Variants in EPS15 observed in about 807,000 individuals in gnomAD.
EPS15 encodes epidermal growth factor receptor pathway substrate 15.
EPS15 carries 72 observed loss-of-function variants against 113.8 expected under a neutral mutation model. The observed-to-expected ratio is 0.63, with a 90% CI of 0.52 to 0.77. The LOEUF (loss-of-function observed/expected upper bound fraction) is 0.77, where lower values mean the gene tolerates loss of function less well. Ranked by LOEUF, EPS15 falls within the 30% of genes least tolerant of loss-of-function variation. The pLI is 0.00. For missense variants in EPS15, 1,048 were observed against 1,045.8 expected, an observed-to-expected ratio of 1.00 and a Z score of -0.03; for synonymous variants, 344 against 363.4, an observed-to-expected ratio of 0.95 and a Z score of 0.61.
At chr1:51,505,411 G>C (rs1644482016) in intron 1 of EPS15, among the ~76,000 whole-genome samples, 1 of 152,108 alleles carries the variant, frequency 6.6e-6, no homozygotes, top group African/African-American at 2.4e-5. Context: ...AGTGATAGAA[G>C]GCAGTCATAA....
At chr1:51,377,560 C>T (rs1383871799) in intron 21 of EPS15, among the ~76,000 whole-genome samples, 1 of 152,238 alleles carries the variant, frequency 6.6e-6, no homozygotes, top group East Asian at 1.9e-4. Context: ...GGTGAAGATG[C>T]TGTGAACATT....
Position 51,422,597 on chromosome 1 carries a change from C to G in EPS15, c.1041-739G>C, listed in dbSNP as rs3790516. On this transcript the variant is annotated intron_variant, in intron 12 of 24. Transcript: ENST00000371733. ...TACCTAAATTCTTATATGCTTTAAT[C>G]AGGCCTGAGTGGCTATGAACGAATC... Among the ~76,000 whole-genome samples the G allele has an allele frequency of 1.5e-4, 23 of 152,362 alleles. 1 individual carries two copies. In the East Asian group the frequency reaches 4.4e-3, roughly 29 times the overall value.
chr1:51,481,368 A>G, intron 1 of EPS15, 54 bp from the exon 2 acceptor site: 1 of 801,632 alleles, frequency 1.2e-6, no homozygotes. Flanking sequence ...TTCTATTAAC[A>G]TATTTGGCAT....
At chr1:51,463,639 TA>T in intron 7 of EPS15, 33 bp downstream of exon 7, 1 of 1,360,886 alleles carries the variant, frequency 7.3e-7, no homozygotes, top group Non-Finnish European at 1.0e-6. Flanking sequence ...TTAAAATACA[TA>T]AAAATTACAT....
At chr1:51,501,053 AAAAG>A (rs768957439) in intron 1 of EPS15, among the ~76,000 whole-genome samples, 21 of 152,282 alleles carry the variant, frequency 1.4e-4, no homozygotes, top group Non-Finnish European at 2.2e-4. Context: ...TAAAAAACAC[AAAAG>A]AAAGAAAAAA....
chr1:51,439,356 A>C (rs1389071985), intron 12 of EPS15, among the ~76,000 whole-genome samples: 1 of 152,098 alleles, frequency 6.6e-6, no homozygotes, highest in East Asian at 1.9e-4. Context: ...CTCACAGATA[A>C]GGTTAAGATC....
intron 12 of EPS15, among the ~76,000 whole-genome samples, chr1:51,433,057 T>C (rs759803405): frequency 1.3e-5 from 2 of 152,164 alleles, no homozygotes; most frequent in African/African-American, 4.8e-5. Flanking sequence ...AACAAAAACA[T>C]AGAATTTTTA....
intron 5 of EPS15, among the ~76,000 whole-genome samples, chr1:51,466,560 T>C (rs1011426956): frequency 6.0e-5 from 9 of 150,492 alleles, no homozygotes; most frequent in African/African-American, 2.2e-4. Context: ...GGGGTGGAGG[T>C]TGCAGAGAGC....
chr1:51,476,551 T>C (rs1288110865), intron 2 of EPS15, among the ~76,000 whole-genome samples: 1 of 152,180 alleles, frequency 6.6e-6, no homozygotes, highest in Non-Finnish European at 1.5e-5. Flanking sequence ...ATATTCCCTT[T>C]ATCATTTTTT....
chr1:51,511,495 A>G (rs966665019), intron 1 of EPS15, among the ~76,000 whole-genome samples: 6 of 152,208 alleles, frequency 3.9e-5, no homozygotes, highest in African/African-American at 7.2e-5. Flanking sequence ...ACTCTCTCTC[A>G]AAAGTACTAA....
chr1:51,401,981 A>T (rs979707019), intron 18 of EPS15, among the ~76,000 whole-genome samples: 23 of 152,206 alleles, frequency 1.5e-4, no homozygotes, highest in African/African-American at 5.3e-4. Flanking sequence ...TACTAAAAAC[A>T]CAAAAGTTAG....
At chr1:51,483,406 T>A (rs1226714220) in intron 1 of EPS15, among the ~76,000 whole-genome samples, 1 of 123,380 alleles carries the variant, frequency 8.1e-6, no homozygotes, top group Non-Finnish European at 1.7e-5. Context: ...CAAGTGTGTG[T>A]GTGTGTGTGT....
intron 1 of EPS15, among the ~76,000 whole-genome samples, chr1:51,510,001 T>C (rs968441188): frequency 1.2e-4 from 19 of 152,204 alleles, no homozygotes; most frequent in African/African-American, 4.6e-4. Context: ...CTTGAACAAA[T>C]TACTTCACCT....
At chr1:51,384,576 G>A (rs544398054) in intron 21 of EPS15, among the ~76,000 whole-genome samples, 11 of 151,894 alleles carry the variant, frequency 7.2e-5, no homozygotes, top group Non-Finnish European at 1.0e-4. Flanking sequence ...GAGCTCAGGC[G>A]ATCCACCCAC....
intron 7 of EPS15, among the ~76,000 whole-genome samples, chr1:51,462,870 A>ATTTTT (rs34320767): frequency 1.4e-4 from 16 of 111,068 alleles, no homozygotes; most frequent in African/African-American, 3.9e-4. Flanking sequence ...AAAAAGTCAG[A>ATTTTT]TTTTTTTTTT....
At chr1:51,440,868 C>T (rs2148474831) in intron 11 of EPS15, among the ~76,000 whole-genome samples, 1 of 152,100 alleles carries the variant, frequency 6.6e-6, no homozygotes, top group Admixed American at 6.5e-5. Context: ...GAATCTCAGA[C>T]CTACAGTAGT....
chr1:51,510,110 A>G (rs1221909880), intron 1 of EPS15, among the ~76,000 whole-genome samples: 1 of 152,196 alleles, frequency 6.6e-6, no homozygotes, highest in Non-Finnish European at 1.5e-5. Flanking sequence ...GGTTGTAAAG[A>G]TTATTGAAAA....
intron 18 of EPS15, among the ~76,000 whole-genome samples, chr1:51,401,876 C>T (rs900448619): frequency 2.0e-5 from 3 of 152,148 alleles, no homozygotes; most frequent in African/African-American, 2.4e-5. Context: ...CGGTGGCTCA[C>T]GCCTGTAATC....
rs552175284 is a variant in EPS15, at chr1:51,428,884, T to G, written c.1041-7026A>C. Among the ~76,000 whole-genome samples the G allele has an allele frequency of 5.4e-5, 8 of 148,792 alleles. No individual in the cohort carries two copies. In the South Asian group the frequency reaches 1.7e-3, roughly 32 times the overall value. On this transcript the variant is annotated intron_variant, in intron 12 of 24. Transcript: ENST00000371733. Reference sequence around the variant, plus strand: ...AGGCAGAGGAGAGAATGGAGCTGTATAGGACCAGAATTTTATTTGTGTCTT... The same window carrying G: ...AGGCAGAGGAGAGAATGGAGCTGTAGAGGACCAGAATTTTATTTGTGTCTT...
Sources: gnomAD v4.1 joint callset for allele counts (sites outside exome capture counted in the v4.1 genomes callset) on GRCh38, gnomAD v4.1.1 for gene constraint, MANE v1.5 for transcripts, NCBI Gene and HGNC (gene_info 2026-07-23, HGNC 2026-07-21) for gene names.